Variants in UNC13C observed in about 807,000 individuals in gnomAD.
UNC13C encodes unc-13 homolog C.
UNC13C carries 174 observed loss-of-function variants against 245.4 expected under a neutral mutation model. The observed-to-expected ratio is 0.71, with a 90% CI of 0.63 to 0.80. The LOEUF is 0.80. Among genes scored for constraint, UNC13C ranks in the 30% least tolerant of loss-of-function variants. UNC13C has a pLI of 0.00. For synonymous variants in UNC13C, 992 were observed against 895.1 expected, an observed-to-expected ratio of 1.11 and a Z score of -1.93; for missense variants, 2,829 against 2,602.9, an observed-to-expected ratio of 1.09 and a Z score of -1.89.
intron 8 of UNC13C, 91 bp downstream of exon 8, chr15:54,250,535 T>C: frequency 8.0e-7 from 1 of 1,248,416 alleles, no homozygotes; most frequent in Non-Finnish European, 1.1e-6. Context: ...TTGCTGGTTG[T>C]CAAGAAATCC....
chr15:54,115,890 T>A (rs2030206918), intron 2 of UNC13C, among the ~76,000 whole-genome samples: 1 of 152,034 alleles, frequency 6.6e-6, no homozygotes, highest in Non-Finnish European at 1.5e-5. Flanking sequence ...TTTGATGACC[T>A]GGTAAGGCAG....
intron 7 of UNC13C, among the ~76,000 whole-genome samples, chr15:54,239,189 C>T (rs1567126206): frequency 6.6e-6 from 1 of 152,158 alleles, no homozygotes; most frequent in Non-Finnish European, 1.5e-5. Context: ...TGTAACTTAA[C>T]ATTTAAACAC....
chr15:54,109,887 G>T lies in UNC13C; in HGVS notation c.2984-33131G>T, dbSNP rs1900677662. Among the ~76,000 whole-genome samples, 4 of 152,042 alleles carry T rather than the reference G, an allele frequency of 2.6e-5. No homozygotes were observed. The South Asian group carries it at 8.3e-4, about 31-fold the overall frequency. ...ACCTTTTCTCCATGAAACTCACTCT[G>T]CTTGGTGGCTATCCCATCTGTCTTG... On this transcript the variant is annotated intron_variant, in intron 2 of 32. Transcript: ENST00000260323.
intron 4 of UNC13C, 75 bp from the exon 5 acceptor site, chr15:54,234,955 C>T (rs1031845084): frequency 7.7e-7 from 1 of 1,305,340 alleles, no homozygotes; most frequent in Non-Finnish European, 1.1e-6. Flanking sequence ...AGACTTTATA[C>T]CATGAACAGT....
chr15:54,284,492 A>G (rs2037089123), intron 10 of UNC13C, among the ~76,000 whole-genome samples: 1 of 152,208 alleles, frequency 6.6e-6, no homozygotes, highest in African/African-American at 2.4e-5. Flanking sequence ...AAGACAGGTA[A>G]GTGTTCACCA....
intron 25 of UNC13C, among the ~76,000 whole-genome samples, chr15:54,527,367 C>T (rs589611): frequency 0.68 from 103,063 of 151,776 alleles, 35,858 homozygotes; most frequent in African/African-American, 0.83. Context: ...ACATTAGAGA[C>T]TATTTAGCAA....
chr15:54,477,900 G>T (rs1170979954), intron 19 of UNC13C, among the ~76,000 whole-genome samples: 2 of 148,374 alleles, frequency 1.3e-5, no homozygotes, highest in Non-Finnish European at 3.0e-5. Flanking sequence ...GTTCCTCCTT[G>T]TACCTCTGGT....
intron 7 of UNC13C, among the ~76,000 whole-genome samples, chr15:54,243,509 G>A (rs571612250): frequency 6.6e-6 from 1 of 152,264 alleles, no homozygotes; most frequent in East Asian, 1.9e-4. Flanking sequence ...CCAGTAATGG[G>A]ATTGCTGGGT....
chr15:54,487,051 A>C (rs1341127548), intron 19 of UNC13C, among the ~76,000 whole-genome samples: 1 of 152,154 alleles, frequency 6.6e-6, no homozygotes, highest in Non-Finnish European at 1.5e-5. Context: ...TTCTAAGTGG[A>C]TCAATCAGAG....
At chr15:53,896,573 C>G in the UNC13C span, among the ~76,000 whole-genome samples, 2 of 151,832 alleles carry the variant, frequency 1.3e-5, no homozygotes, top group African/African-American at 4.8e-5. Flanking sequence ...GTTTTTCACC[C>G]CTAAGCCTTA....
Position 54,048,552 on chromosome 15 carries a change from CT to C in UNC13C, c.2983+32671del, listed in dbSNP as rs564979232. 1.4e-3 allele frequency: 680 copies of C among 495,520 alleles called. 8 individuals are homozygous for C. The highest frequency in any genetic ancestry group is 0.013 in the African/African-American group (654 of 49,620). The allele number at this position is 495,520 out of a possible 1,614,324, so 30.7% of individuals were successfully genotyped here. ...ATTTTTTGACTCTTTAAATGGAAGA[CT>C]TTTTATAGAATTGATGTACTGAAAC... is the stretch of plus-strand genomic sequence containing the variant. On this transcript the variant is annotated intron_variant, in intron 2 of 32. Transcript: ENST00000260323.
At chr15:54,206,405 T>A (rs906375264) in intron 4 of UNC13C, among the ~76,000 whole-genome samples, 2 of 152,112 alleles carry the variant, frequency 1.3e-5, no homozygotes, top group African/African-American at 4.8e-5. Context: ...TGAAATCAGC[T>A]CCACCTTCTT....
chr15:54,508,483 C>A (rs979907070), intron 23 of UNC13C, among the ~76,000 whole-genome samples: 2 of 152,088 alleles, frequency 1.3e-5, no homozygotes, highest in African/African-American at 4.8e-5. Context: ...TCTATGTACT[C>A]TTTCTGTAGG....
At chr15:54,221,422 C>T (rs1314004771) in intron 4 of UNC13C, among the ~76,000 whole-genome samples, 5 of 151,640 alleles carry the variant, frequency 3.3e-5, no homozygotes, top group African/African-American at 1.2e-4. Flanking sequence ...CTCTGAATGG[C>T]TAATATTTAG....
intron 4 of UNC13C, among the ~76,000 whole-genome samples, chr15:54,203,737 CATATATATGTATAT>C (rs1567094732): frequency 2.0e-5 from 2 of 100,520 alleles, no homozygotes; most frequent in East Asian, 7.0e-4. Context: ...TACACATATA[CATATATATGTATAT>C]ATACACATAT....
At chr15:54,265,524 A>G in intron 10 of UNC13C, 28 bp downstream of exon 10, 1 of 1,429,306 alleles carries the variant, frequency 7.0e-7, no homozygotes, top group Non-Finnish European at 9.3e-7. Context: ...AACCTTTACA[A>G]ATATTAAATT....
intron 17 of UNC13C, among the ~76,000 whole-genome samples, chr15:54,365,512 A>G (rs2039344003): frequency 6.6e-6 from 1 of 152,158 alleles, no homozygotes; most frequent in Non-Finnish European, 1.5e-5. Flanking sequence ...AAACATATCT[A>G]TCACCTCCCA....
chr15:54,570,005 C>T (rs766267422), intron 30 of UNC13C, among the ~76,000 whole-genome samples: 1 of 152,218 alleles, frequency 6.6e-6, no homozygotes, highest in African/African-American at 2.4e-5. Flanking sequence ...GTGCCACTTA[C>T]TCCTCCTTCC....
At chr15:53,963,513 C>T in the UNC13C span, among the ~76,000 whole-genome samples, 7,136 of 152,182 alleles carry the variant, frequency 0.047, 271 homozygotes, top group African/African-American at 0.1. Context: ...TGTTGAGATA[C>T]CCATATGGGA....
Sources: gnomAD v4.1 joint callset for allele counts (sites outside exome capture counted in the v4.1 genomes callset) on GRCh38, gnomAD v4.1.1 for gene constraint, MANE v1.5 for transcripts, NCBI Gene and HGNC (gene_info 2026-07-23, HGNC 2026-07-21) for gene names.